Variants in RHOA observed in about 807,000 individuals in gnomAD.
The protein encoded by RHOA is ras homolog family member A, also known as transforming protein RhoA.
A neutral mutation model predicts 17.5 loss-of-function variants in RHOA; 3 were observed. The observed-to-expected ratio is 0.17, with a 90% CI of 0.08 to 0.44. The LOEUF is 0.44. Among genes scored for constraint, RHOA ranks in the 20% least tolerant of loss-of-function variants. RHOA has a pLI of 0.99. For synonymous variants in RHOA, 98 were observed against 88.4 expected (o/e 1.11, Z -0.61); for missense variants, 56 against 242.3 (o/e 0.23, Z 5.10).
intron 1 of RHOA, among the ~76,000 whole-genome samples, chr3:49,411,170 A>G (rs1244759298): frequency 6.6e-6 from 1 of 151,790 alleles, no homozygotes; most frequent in Non-Finnish European, 1.5e-5. Flanking sequence ...AATGGAAAAT[A>G]CCCCTTTTCC....
At chr3:49,400,159 C>T (rs1273189365) in intron 1 of RHOA, among the ~76,000 whole-genome samples, 7 of 150,620 alleles carry the variant, frequency 4.6e-5, no homozygotes, top group African/African-American at 1.7e-4. Context: ...TTGCAGTGAG[C>T]CGAGACCGCG....
chr3:49,365,887 G>A (rs912589850), intron 3 of RHOA, among the ~76,000 whole-genome samples: 16 of 151,896 alleles, frequency 1.1e-4, no homozygotes, highest in African/African-American at 2.7e-4. Flanking sequence ...CACCATGCCC[G>A]GCCTAAAAAA....
chr3:49,393,650 C>G (rs1344682347), intron 1 of RHOA, among the ~76,000 whole-genome samples: 1 of 22,856 alleles, frequency 4.4e-5, no homozygotes, highest in Non-Finnish European at 9.7e-5. Context: ...GTTAGGACCA[C>G]AGGTCCCTTG....
At chr3:49,363,524 C>T (rs1194842859) in intron 3 of RHOA, among the ~76,000 whole-genome samples, 1 of 151,992 alleles carries the variant, frequency 6.6e-6, no homozygotes, top group East Asian at 1.9e-4. Context: ...CAGCTTGGGC[C>T]TAGGAGCTCA....
At chr3:49,403,766 A>G (rs547322260) in intron 1 of RHOA, among the ~76,000 whole-genome samples, 1 of 152,256 alleles carries the variant, frequency 6.6e-6, no homozygotes, top group East Asian at 1.9e-4. Context: ...TATCATTTAA[A>G]GTATGTGCAT....
intron 1 of RHOA, among the ~76,000 whole-genome samples, chr3:49,392,053 C>G (rs1431795250): frequency 6.6e-6 from 1 of 151,852 alleles, no homozygotes; most frequent in Non-Finnish European, 1.5e-5. Context: ...GTCTCGAACT[C>G]CTATCTCAAG....
At chr3:49,398,884 C>CT (rs2048667147) in intron 1 of RHOA, among the ~76,000 whole-genome samples, 1 of 126,792 alleles carries the variant, frequency 7.9e-6, no homozygotes, top group South Asian at 2.7e-4. Flanking sequence ...ATTTTGCTGT[C>CT]TGAGTATTAC....
intron 1 of RHOA, among the ~76,000 whole-genome samples, chr3:49,398,215 G>A (rs947130891): frequency 8.6e-6 from 1 of 115,734 alleles, no homozygotes; most frequent in South Asian, 2.6e-4. Context: ...GCCAAGTGTG[G>A]TGGCGCGCTC....
Position 49,379,572 on chromosome 3 carries a change from G to A in RHOA, c.-2-3981C>T, listed in dbSNP as rs541986886. ...TCTGTTGCCCAGGCTGGAGTATAGT[G>A]GTGCGATCTCCACTCACTGCAACCT... On this transcript the variant is annotated intron_variant, in intron 1 of 4. Transcript: ENST00000418115. 3.3e-5 allele frequency among the ~76,000 whole-genome samples: 5 copies of A among 152,082 alleles called. No homozygotes were observed. The South Asian group carries it at 1.0e-3, about 32-fold the overall frequency.
chr3:49,377,412 T>C (rs565188842), intron 1 of RHOA, among the ~76,000 whole-genome samples: 10 of 152,000 alleles, frequency 6.6e-5, no homozygotes, highest in African/African-American at 2.4e-4. Context: ...CTGGGAAACA[T>C]AGTGAAACCC....
At chr3:49,393,559 A>C (rs2048548760) in intron 1 of RHOA, among the ~76,000 whole-genome samples, 2 of 149,908 alleles carry the variant, frequency 1.3e-5, no homozygotes, top group Non-Finnish European at 3.0e-5. Context: ...TGGCCTCCCA[A>C]AGTGCTCAGA....
intron 1 of RHOA, among the ~76,000 whole-genome samples, chr3:49,391,877 G>A (rs1366322912): frequency 1.4e-5 from 2 of 139,068 alleles, no homozygotes; most frequent in Non-Finnish European, 3.0e-5. Context: ...CCCCCAGACT[G>A]GAGTGTAATG....
At chr3:49,400,817 G>T (rs1020642556) in intron 1 of RHOA, among the ~76,000 whole-genome samples, 1 of 151,480 alleles carries the variant, frequency 6.6e-6, no homozygotes, top group East Asian at 2.0e-4. Flanking sequence ...AGGCCGAGGC[G>T]GGCGGATCAC....
At chr3:49,407,986 C>T (rs1160126629) in intron 1 of RHOA, among the ~76,000 whole-genome samples, 1 of 151,984 alleles carries the variant, frequency 6.6e-6, no homozygotes, top group African/African-American at 2.4e-5. Flanking sequence ...ATGGTGAAAC[C>T]CCGTCTCTAC....
chr3:49,391,449 T>A (rs894323187), intron 1 of RHOA, among the ~76,000 whole-genome samples: 1 of 151,870 alleles, frequency 6.6e-6, no homozygotes, highest in African/African-American at 2.4e-5. Context: ...CTGCTTCAAG[T>A]GTGAACACAA....
At chr3:49,379,736 A>G (rs991376798) in intron 1 of RHOA, among the ~76,000 whole-genome samples, 18 of 152,068 alleles carry the variant, frequency 1.2e-4, no homozygotes, top group African/African-American at 4.3e-4. Context: ...AGCTGCTCTC[A>G]AACTCCTGAG....
At chr3:49,405,413 A>G in intron 1 of RHOA, among the ~76,000 whole-genome samples, 1 of 152,080 alleles carries the variant, frequency 6.6e-6, no homozygotes, top group Non-Finnish European at 1.5e-5. Flanking sequence ...CCTGGGCAAC[A>G]AGAGCAAAAC....
At chr3:49,403,561 A>T (rs2048762898) in intron 1 of RHOA, among the ~76,000 whole-genome samples, 1 of 151,710 alleles carries the variant, frequency 6.6e-6, no homozygotes. Context: ...CAAAAAAAAA[A>T]ATTACAAAAT....
intron 2 of RHOA, among the ~76,000 whole-genome samples, chr3:49,372,733 CAAA>C (rs11460016): frequency 6.0e-5 from 5 of 83,136 alleles, no homozygotes; most frequent in Non-Finnish European, 2.5e-5. Flanking sequence ...GACTCTGTCT[CAAA>C]AAAAAAAAAA....
Sources: allele counts gnomAD v4.1 joint callset (sites outside exome capture counted in the v4.1 genomes callset), GRCh38; gene constraint gnomAD v4.1.1; transcripts MANE v1.5; gene names NCBI Gene and HGNC (gene_info 2026-07-23, HGNC 2026-07-21).